Variants in ACADS observed in about 807,000 individuals in gnomAD.
The protein encoded by ACADS is acyl-CoA dehydrogenase short chain, also known as short-chain specific acyl-CoA dehydrogenase, mitochondrial.
In ACADS, 28 loss-of-function variants were observed where a neutral mutation model predicts 46.8. The ratio of observed to expected loss-of-function variants is 0.60; its 90% CI spans 0.44 to 0.82. The LOEUF is 0.82. Among genes scored for constraint, ACADS ranks in the 40% least tolerant of loss-of-function variants. The probability of loss-of-function intolerance (pLI) is 0.00; values close to 1 mark genes in which losing one functional copy is unlikely to be tolerated. For synonymous variants in ACADS, 236 were observed against 237.7 expected (o/e 0.99, Z 0.07); for missense variants, 528 against 578.0 (o/e 0.91, Z 0.89).
At chr12:120,733,102 A>G (rs960164408) in intron 2 of ACADS, among the ~76,000 whole-genome samples, 4 of 152,378 alleles carry the variant, frequency 2.6e-5, no homozygotes, top group East Asian at 1.9e-4. Context: ...CGCGCCTGCA[A>G]TCGCAGGCAC....
At chr12:120,733,889 C>T (rs1883350799) in intron 2 of ACADS, among the ~76,000 whole-genome samples, 1 of 151,670 alleles carries the variant, frequency 6.6e-6, no homozygotes, top group Admixed American at 6.6e-5. Flanking sequence ...AAAACCAAAC[C>T]ATGGCAGCCA....
intron 2 of ACADS, among the ~76,000 whole-genome samples, chr12:120,734,883 C>G (rs1174711653): frequency 6.6e-6 from 1 of 150,916 alleles, no homozygotes; most frequent in Non-Finnish European, 1.5e-5. Context: ...TCCCGAGTAG[C>G]TGGGATTACA....
chr12:120,737,507 G>C, intron 4 of ACADS, 40 bp downstream of exon 4: 1 of 1,554,070 alleles, frequency 6.4e-7, no homozygotes, highest in South Asian at 1.1e-5. Flanking sequence ...AGGGTGACAG[G>C]CCCAGAGGGG....
intron 7 of ACADS, 69 bp downstream of exon 7, chr12:120,738,739 T>G: frequency 6.2e-7 from 1 of 1,609,754 alleles, no homozygotes; most frequent in Admixed American, 1.7e-5. Flanking sequence ...GCCTCCTGAC[T>G]GCTCTCCGTC....
chr12:120,726,918 C>A, intron 1 of ACADS, 108 bp from the exon 2 acceptor site: 1 of 1,258,150 alleles, frequency 7.9e-7, no homozygotes, highest in Non-Finnish European at 1.2e-6. Context: ...CCAGACATTG[C>A]CAGATGTCCC....
intron 2 of ACADS, among the ~76,000 whole-genome samples, chr12:120,733,458 C>T (rs1013372207): frequency 3.3e-5 from 5 of 152,072 alleles, no homozygotes; most frequent in Admixed American, 6.6e-5. Flanking sequence ...TGTGTGCTGC[C>T]GCAGGTCTGT....
In ACADS at chr12:120,737,961, C is replaced by T. The variant is rs774599741; in HGVS notation, c.597C>T (p.Ala199=). 2 of 1,614,074 alleles carry T rather than the reference C, an allele frequency of 1.2e-6. No homozygotes were observed. Among genetic ancestry groups the T allele is most frequent in the Admixed American group, 1.7e-5 (1 of 60,018 alleles). Reference sequence around the variant, plus strand: ...AGGCTTCGGCTGCCGTGGTCTTTGCCAGCACGGACAGAGCCCTGCAAAACA... The same window carrying T: ...AGGCTTCGGCTGCCGTGGTCTTTGCTAGCACGGACAGAGCCCTGCAAAACA... The part of the protein sequence containing the change: ...AWEASAAVVF[A]STDRALQNKG... The change falls in exon 5 of 10, where the codon GCC becomes GCT. Residue 199 remains alanine, a synonymous_variant. Transcript: ENST00000242592.
At chr12:120,725,959 G>C in intron 1 of ACADS, 28 bp downstream of exon 1, 1 of 1,523,494 alleles carries the variant, frequency 6.6e-7, no homozygotes, top group East Asian at 2.6e-5. Context: ...CCGTACGGCG[G>C]GGCTTCAGCC....
In ACADS at chr12:120,739,469, G is replaced by C. The variant is rs3916; in HGVS notation, c.*21G>C. 409,862 of 1,599,860 alleles carry C rather than the reference G, an allele frequency of 0.26. 54,823 individuals carry two copies. The highest frequency in any genetic ancestry group is 0.36 in the Middle Eastern group (1,778 of 4,890). On this transcript the variant is annotated 3_prime_UTR_variant, in exon 10 of 10. Coordinates refer to ENST00000242592, the MANE Select transcript of ACADS (RefSeq NM_000017.4). ...GCTGAGCCCGCGGCGGACTGCCCCAGGACTGCGGGAAGGCGCGGGAGCCAG... is the reference window on the plus strand; with the variant it reads ...GCTGAGCCCGCGGCGGACTGCCCCACGACTGCGGGAAGGCGCGGGAGCCAG...
intron 2 of ACADS, among the ~76,000 whole-genome samples, chr12:120,735,663 G>A (rs1214211636): frequency 2.0e-5 from 3 of 152,136 alleles, no homozygotes; most frequent in Non-Finnish European, 4.4e-5. Context: ...CACTTTGGGA[G>A]GCCGAGGTGG....
At chr12:120,733,560 AAATGG>A (rs1883338074) in intron 2 of ACADS, among the ~76,000 whole-genome samples, 1 of 34,746 alleles carries the variant, frequency 2.9e-5, no homozygotes, top group Non-Finnish European at 6.0e-5. Context: ...GTGCCTGCTG[AAATGG>A]TGCCTGCTGA....
intron 2 of ACADS, among the ~76,000 whole-genome samples, chr12:120,735,289 AG>A (rs374379431): frequency 7.0e-6 from 1 of 142,966 alleles, no homozygotes; most frequent in Non-Finnish European, 1.5e-5. Flanking sequence ...AAAAAAAAAA[AG>A]AAAAAAGAAA....
chr12:120,737,000 C>A lies in ACADS; in HGVS notation c.225C>A (p.Gly75=). Residue 75 remains glycine (G), a synonymous_variant, in exon 3 of 10, where the codon GGC becomes GGA. Coordinates refer to ENST00000242592, the MANE Select transcript of ACADS (RefSeq NM_000017.4). ...LFPAAQVKKM[G]GLGLLAMDVP... ...CCTGTGCCCAGGTGAAGAAGATGGG[C>A]GGGCTTGGGCTTCTGGCCATGGACG... 6.2e-7 allele frequency: 1 copy of A among 1,609,116 alleles called. No individual in the cohort carries two copies. The highest frequency in any genetic ancestry group is 8.5e-7 in the Non-Finnish European group (1 of 1,178,228).
At chr12:120,726,991 C>T (rs1883103542) in intron 1 of ACADS, 35 bp from the exon 2 acceptor site, 1 of 1,613,520 alleles carries the variant, frequency 6.2e-7, no homozygotes, top group Non-Finnish European at 8.5e-7. Context: ...GACCTCCTGC[C>T]TCCTCCTTCC....
chr12:120,729,457 C>T (rs969824395), intron 2 of ACADS, among the ~76,000 whole-genome samples: 8 of 151,884 alleles, frequency 5.3e-5, no homozygotes, highest in Non-Finnish European at 1.0e-4. Flanking sequence ...GGGGTTTCAC[C>T]ATGTTGGCCA....
Position 120,738,530 on chromosome 12 carries a change from C to T in ACADS, c.796-3C>T. The T allele has an allele frequency of 6.2e-7, 1 of 1,608,622 alleles. No individual in the cohort carries two copies. Among genetic ancestry groups the T allele is most frequent in the Non-Finnish European group, 8.5e-7 (1 of 1,179,796 alleles). ...GGGCCACTGACCAGGGCGGTCCCCA[C>T]AGCAAACCCTGGACATGGGCCGCAT... On this transcript the variant is annotated splice_polypyrimidine_tract_variant and splice_region_variant and intron_variant, in intron 6 of 9. Coordinates refer to ENST00000242592, the MANE Select transcript of ACADS (RefSeq NM_000017.4).
intron 8 of ACADS, 78 bp downstream of exon 8, chr12:120,738,993 C>T (rs1883560831): frequency 1.1e-5 from 17 of 1,591,596 alleles, no homozygotes; most frequent in Admixed American, 3.4e-5. Flanking sequence ...CGGGTCTCTG[C>T]TCCTTGGCCC....
Position 120,737,039 on chromosome 12 carries a change from T to G in ACADS, c.264T>G (p.Leu88=). ...TGGCCATGGACGTGCCCGAGGAGCT[T>G]GGCGGTGCTGGCCTCGATTACCTGG... ...GLLAMDVPEE[L]GGAGLDYLAY... is the part of the protein sequence containing the mutation. The change falls in exon 3 of 10, where the codon CTT becomes CTG. Residue 88 remains leucine, a synonymous_variant. Transcript: ENST00000242592. 1 of 1,609,658 alleles carries G rather than the reference T, an allele frequency of 6.2e-7. No individual in the cohort carries two copies. The highest frequency in any genetic ancestry group is 8.5e-7 in the Non-Finnish European group (1 of 1,178,438).
intron 5 of ACADS, 68 bp from the exon 6 acceptor site, chr12:120,738,212 T>A (rs572504570): frequency 6.2e-7 from 1 of 1,611,710 alleles, no homozygotes; most frequent in South Asian, 1.1e-5. Flanking sequence ...CGGGTTGGTG[T>A]TGGGTGTGCT....
Sources: gnomAD v4.1 joint callset for allele counts (sites outside exome capture counted in the v4.1 genomes callset) on GRCh38, gnomAD v4.1.1 for gene constraint, MANE v1.5 for transcripts, NCBI Gene and HGNC (gene_info 2026-07-23, HGNC 2026-07-21) for gene names.